The following PCDHA4 variants were observed in gnomAD, a reference collection of about 807,000 sequenced individuals.
PCDHA4 encodes protocadherin alpha 4.
In PCDHA4, 49 loss-of-function variants were observed where a neutral mutation model predicts 61.4. The observed-to-expected ratio is 0.80, with a 90% CI of 0.63 to 1.01. The LOEUF is 1.01. Among genes scored for constraint, PCDHA4 ranks in the 50% least tolerant of loss-of-function variants. The probability of loss-of-function intolerance (pLI) is 0.00; values close to 1 mark genes in which losing one functional copy is unlikely to be tolerated. For synonymous variants in PCDHA4, 590 were observed against 550.3 expected (o/e 1.07, Z -1.01); for missense variants, 1,254 against 1,235.8 (o/e 1.01, Z -0.22).
intron 1 of PCDHA4, chr5:140,812,597 G>A (rs145623750): frequency 2.9e-4 from 44 of 151,406 alleles, no homozygotes; most frequent in African/African-American, 1.0e-3. Flanking sequence ...TTCATTTTTA[G>A]TGTAGGCATT....
chr5:140,887,954 T>A (rs2061642378), intron 1 of PCDHA4, among the ~76,000 whole-genome samples: 1 of 152,240 alleles, frequency 6.6e-6, no homozygotes, highest in South Asian at 2.1e-4. Context: ...TGTATAAGAT[T>A]CTTTTTGTCT....
rs782473800 is a variant in PCDHA4 at position 140,927,043 on chromosome 5, T to C, written c.2386-51906T>C. On this transcript the variant is annotated intron_variant, in intron 1 of 3. Transcript: ENST00000530339. Reference sequence around the variant, plus strand: ...CTTGAGGCTGCCAGCGGCCGCTATGTCCTCGCGGAACTTTCGCTTCCTTTC... The same window carrying C: ...CTTGAGGCTGCCAGCGGCCGCTATGCCCTCGCGGAACTTTCGCTTCCTTTC... 11 of 1,612,262 alleles carry C rather than the reference T, an allele frequency of 6.8e-6. No homozygotes were observed. Among genetic ancestry groups the C allele is most frequent in the Non-Finnish European group, 9.3e-6 (11 of 1,178,916 alleles).
At chr5:140,917,776 A>G (rs1222024686) in intron 1 of PCDHA4, among the ~76,000 whole-genome samples, 2 of 152,044 alleles carry the variant, frequency 1.3e-5, no homozygotes, top group Non-Finnish European at 2.9e-5. Flanking sequence ...TATTAGTACC[A>G]TGTTGTTTTG....
At chr5:140,850,186 C>A (rs2150472009) in intron 1 of PCDHA4, 4 of 1,593,728 alleles carry the variant, frequency 2.5e-6, no homozygotes, top group East Asian at 4.5e-5. Flanking sequence ...AATGCGCCGG[C>A]GCTGCTGACA....
intron 1 of PCDHA4, chr5:140,968,445 G>C (rs782157846): frequency 1.2e-6 from 2 of 1,613,954 alleles, no homozygotes; most frequent in African/African-American, 2.7e-5. Context: ...CCACCACTGA[G>C]CAGCACTGTG....
chr5:140,857,309 G>C lies in PCDHA4; in HGVS notation c.2385+47737G>C, dbSNP rs1287991839. ...GGACCGCGAGAGGGTGTCGGCCTAT[G>C]AGCTGGTGGTGACCGCGCGGGACGG... On this transcript the variant is annotated intron_variant, in intron 1 of 3. Transcript: ENST00000530339. The C allele has an allele frequency of 3.8e-6, 6 of 1,598,670 alleles. 1 individual carries two copies. In the Admixed American group the frequency reaches 1.0e-4, roughly 27 times the overall value.
intron 1 of PCDHA4, chr5:140,877,589 C>T (rs1554169905): frequency 1.2e-6 from 2 of 1,613,848 alleles, no homozygotes; most frequent in Non-Finnish European, 1.7e-6. Context: ...GCCATCTGTG[C>T]GGTGTCCAGC....
Position 140,835,426 on chromosome 5 carries a change from C to A in PCDHA4, c.2385+25854C>A, listed in dbSNP as rs1773631354. On this transcript the variant is annotated intron_variant, in intron 1 of 3. Transcript: ENST00000530339. ...GTTGTGGATGTAAATGACAATGCTC[C>A]ACAGTTGACTCTCACTTCCCTGTCT... 7 of 1,613,914 alleles carry A rather than the reference C, an allele frequency of 4.3e-6. No individual in the cohort carries two copies. In the East Asian group the frequency reaches 1.6e-4, roughly 36 times the overall value.
In PCDHA4 at chr5:140,858,343, G is replaced by A. The variant is rs1554151440; in HGVS notation, c.2385+48771G>A. On this transcript the variant is annotated intron_variant, in intron 1 of 3. Coordinates refer to ENST00000530339, the MANE Select transcript of PCDHA4 (RefSeq NM_018907.4). ...GTTCTGGGGAGGGCCTGCCCAAGGC[G>A]GACCTCATGGCCTTCAGCCCCAGCC... 9 of 1,594,924 alleles carry A rather than the reference G, an allele frequency of 5.6e-6. 1 individual carries two copies. The highest frequency in any genetic ancestry group is 6.9e-6 in the Non-Finnish European group (8 of 1,165,636).
In PCDHA4 at chr5:140,877,150, G is replaced by T. The variant is rs370292278; in HGVS notation, c.2385+67578G>T. On this transcript the variant is annotated intron_variant, in intron 1 of 3. Coordinates refer to ENST00000530339, the MANE Select transcript of PCDHA4 (RefSeq NM_018907.4). Reference sequence around the variant, plus strand: ...GCAGGTGTTCGTGCTGGACGAGAACGACAACGCGCCGGCACTGCTGGCGAC... The same window carrying T: ...GCAGGTGTTCGTGCTGGACGAGAACTACAACGCGCCGGCACTGCTGGCGAC... 1.7e-5 allele frequency: 27 copies of T among 1,613,672 alleles called. No homozygotes were observed. Among genetic ancestry groups the T allele is most frequent in the Non-Finnish European group, 2.2e-5 (26 of 1,179,864 alleles).
At chr5:140,977,732 G>A (rs538865467) in intron 1 of PCDHA4, among the ~76,000 whole-genome samples, 2 of 152,048 alleles carry the variant, frequency 1.3e-5, no homozygotes, top group African/African-American at 2.4e-5. Flanking sequence ...TTCTCTCCTG[G>A]GTGTTATGAA....
chr5:140,961,155 G>A (rs1214072320), intron 1 of PCDHA4, among the ~76,000 whole-genome samples: 2 of 152,126 alleles, frequency 1.3e-5, no homozygotes, highest in Non-Finnish European at 2.9e-5. Context: ...TATTATTTCA[G>A]TACATATCTA....
At position 140,809,240 on chromosome 5, in the gene PCDHA4, G is replaced by C. The variant is rs1554125099; in HGVS notation, c.2053G>C (p.Gly685Arg). Reference sequence around the variant, plus strand: ...AAAGGCCTCCTCACGGGCGTTGGTGGGCGCTGTGGGTCCCGATGCTGCGCT... The same window carrying C: ...AAAGGCCTCCTCACGGGCGTTGGTGCGCGCTGTGGGTCCCGATGCTGCGCT... Reference protein sequence around the residue: ...APKASSRALVGAVGPDAALVD... With the variant: ...APKASSRALVRAVGPDAALVD... Residue 685 changes from glycine to arginine, a missense_variant, in exon 1 of 4, where the codon GGC becomes CGC. Gly to Arg is a moderately radical substitution (Grantham distance 125). Transcript: ENST00000530339. The C allele has an allele frequency of 8.7e-6, 14 of 1,614,108 alleles. No individual in the cohort carries two copies. The highest frequency in any genetic ancestry group is 1.2e-5 in the Non-Finnish European group (14 of 1,179,970).
chr5:140,833,591 A>G (rs1562331795), intron 1 of PCDHA4, among the ~76,000 whole-genome samples: 1 of 152,352 alleles, frequency 6.6e-6, no homozygotes, highest in East Asian at 1.9e-4. Context: ...AACAGTATAT[A>G]TAGATTCTGC....
chr5:140,825,628 G>C (rs1393411798), intron 1 of PCDHA4: 1 of 151,664 alleles, frequency 6.6e-6, no homozygotes, highest in Non-Finnish European at 1.5e-5. Flanking sequence ...CACCATGTTG[G>C]TCATGGTGGT....
intron 1 of PCDHA4, chr5:140,877,442 C>A: frequency 6.2e-7 from 1 of 1,613,858 alleles, no homozygotes; most frequent in South Asian, 1.1e-5. Flanking sequence ...CACGGTGAGC[C>A]CGCGCTGACG....
At chr5:140,854,140 T>A (rs251357) in intron 1 of PCDHA4, 2 of 418,878 alleles carry the variant, frequency 4.8e-6, no homozygotes, top group Non-Finnish European at 3.0e-6. Flanking sequence ...TCAGCCCGGG[T>A]GACAGCAAGA....
Position 140,855,923 on chromosome 5 carries a change from A to T in PCDHA4, c.2385+46351A>T, listed in dbSNP as rs1424860955. On this transcript the variant is annotated intron_variant, in intron 1 of 3. Coordinates refer to ENST00000530339, the MANE Select transcript of PCDHA4 (RefSeq NM_018907.4). Reference sequence around the variant, plus strand: ...GCCAGTTTCTCAAGGACTAGGAAGTAGCGTCATTCTGAGATCTCAGCCATT... The same window carrying T: ...GCCAGTTTCTCAAGGACTAGGAAGTTGCGTCATTCTGAGATCTCAGCCATT... 7.3e-6 allele frequency: 9 copies of T among 1,229,146 alleles called. No individual in the cohort carries two copies. In the South Asian group the frequency reaches 1.4e-4, roughly 19 times the overall value. 76.1% of individuals were successfully genotyped at this position (1,229,146 alleles called of 1,614,324 possible).
At chr5:140,869,630 A>G in intron 1 of PCDHA4, 2 of 1,613,720 alleles carry the variant, frequency 1.2e-6, no homozygotes, top group Non-Finnish European at 8.5e-7. Context: ...AGTAAAAATG[A>G]GTATTTTTCT....
Sources: allele counts gnomAD v4.1 joint callset (sites outside exome capture counted in the v4.1 genomes callset), GRCh38; gene constraint gnomAD v4.1.1; transcripts MANE v1.5; gene names NCBI Gene and HGNC (gene_info 2026-07-23, HGNC 2026-07-21).